NAMPT: variants seen among roughly 807,000 people sequenced by gnomAD.
The protein encoded by NAMPT is nicotinamide phosphoribosyltransferase.
Under a neutral mutation model 58.7 loss-of-function variants are expected in NAMPT, and 7 were observed. The observed-to-expected ratio is 0.12, with a 90% confidence interval of 0.07 to 0.22. NAMPT has a LOEUF of 0.22. NAMPT is among the 10% of genes least tolerant of loss of function. NAMPT has a pLI of 1.00. For synonymous variants in NAMPT, 145 were observed against 198.1 expected (o/e 0.73, Z 2.25); for missense variants, 271 against 567.9 (o/e 0.48, Z 5.31).
Position 106,253,027 on chromosome 7 carries a change from T to G in NAMPT, c.1355A>C (p.Glu452Ala). ...TLEEGKGDLE[E>A]YGQDLLHTVF... ...AGCATAGATACATACCTGACCATAT[T>G]CCTCAAGGTCTCCTTTTCCTTCCTC... Residue 452 changes from glutamate (E) to alanine (A), a missense_variant, in exon 10 of 11, where the codon GAA (glutamate) becomes GCA (alanine). Coordinates refer to ENST00000222553, the MANE Select transcript of NAMPT (RefSeq NM_005746.3). 6.2e-7 allele frequency: 1 copy of G among 1,613,234 alleles called. No individual in the cohort carries two copies. The highest frequency in any genetic ancestry group is 1.3e-5 in the African/African-American group (1 of 74,984).
At chr7:106,259,896 T>C (rs75814127) in intron 8 of NAMPT, among the ~76,000 whole-genome samples, 28 of 150,976 alleles carry the variant, frequency 1.9e-4, no homozygotes, top group African/African-American at 3.2e-4. Flanking sequence ...TTTTTTTTTT[T>C]CCTGAGCAGT....
chr7:106,259,980 G>T (rs936277709), intron 8 of NAMPT, among the ~76,000 whole-genome samples: 1 of 144,672 alleles, frequency 6.9e-6, no homozygotes, highest in Non-Finnish European at 1.5e-5. Flanking sequence ...AGGCTTTGTT[G>T]TTCCATTTAT....
At chr7:106,277,615 G>A (rs1195045207) in intron 1 of NAMPT, among the ~76,000 whole-genome samples, 1 of 152,152 alleles carries the variant, frequency 6.6e-6, no homozygotes, top group African/African-American at 2.4e-5. Flanking sequence ...TACTTTACTT[G>A]TACAATGAGG....
chr7:106,283,961 C>T (rs150853218), intron 1 of NAMPT, among the ~76,000 whole-genome samples: 1 of 152,220 alleles, frequency 6.6e-6, no homozygotes, highest in African/African-American at 2.4e-5. Flanking sequence ...CTACTGCGTG[C>T]TTCATATCAA....
chr7:106,255,588 G>C (rs1371514309), intron 8 of NAMPT, among the ~76,000 whole-genome samples: 1 of 152,134 alleles, frequency 6.6e-6, no homozygotes, highest in Non-Finnish European at 1.5e-5. Flanking sequence ...TCTACATTTA[G>C]AAATGCAACT....
chr7:106,273,103 G>A (rs1792568638), intron 3 of NAMPT, among the ~76,000 whole-genome samples: 1 of 152,146 alleles, frequency 6.6e-6, no homozygotes, highest in South Asian at 2.1e-4. Flanking sequence ...TGCTATTAAA[G>A]AACAAAAGAA....
chr7:106,277,470 A>C (rs1792669317), intron 1 of NAMPT, among the ~76,000 whole-genome samples: 1 of 152,216 alleles, frequency 6.6e-6, no homozygotes, highest in South Asian at 2.1e-4. Flanking sequence ...ACAGTCCTTC[A>C]TCCAGGCGAA....
At chr7:106,275,113 C>A in intron 2 of NAMPT, 64 bp from the exon 3 acceptor site, 1 of 1,005,824 alleles carries the variant, frequency 9.9e-7, no homozygotes, top group South Asian at 1.4e-5. Flanking sequence ...GCTGAACTGT[C>A]ACAGACTTAA....
At chr7:106,272,070 A>G (rs1258454523) in intron 4 of NAMPT, 2 of 375,124 alleles carry the variant, frequency 5.3e-6, no homozygotes, top group African/African-American at 2.3e-5. Context: ...TAGATGAGAA[A>G]CTGAAAAGTA....
chr7:106,263,378 A>G lies in NAMPT; in HGVS notation c.969+14T>C, dbSNP rs1023658823. 9 of 1,551,698 alleles carry G rather than the reference A, an allele frequency of 5.8e-6. No individual in the cohort carries two copies. The highest frequency in any genetic ancestry group is 7.1e-6 in the Non-Finnish European group (8 of 1,124,328). ...AGAGGGATTCTAATAATAAAGTTAC[A>G]TATGAAAATTTACCTTTAACACAGT... On this transcript the variant is annotated intron_variant, in intron 7 of 10. Coordinates refer to ENST00000222553, the MANE Select transcript of NAMPT (RefSeq NM_005746.3).
chr7:106,255,292 C>T (rs192860043), intron 8 of NAMPT, among the ~76,000 whole-genome samples: 1 of 152,178 alleles, frequency 6.6e-6, no homozygotes, highest in East Asian at 1.9e-4. Context: ...TTAATATATT[C>T]AATCACTTTG....
intron 6 of NAMPT, 103 bp from the exon 7 acceptor site, chr7:106,263,720 A>G (rs911554897): frequency 1.2e-6 from 1 of 863,286 alleles, no homozygotes; most frequent in Non-Finnish European, 1.9e-6. Context: ...AACCATCAAC[A>G]TCACAGAGAA....
Position 106,253,018 on chromosome 7 carries a change from T to A in NAMPT, c.1364A>T (p.Gln455Leu). The change falls in exon 10 of 11, where the codon CAG becomes CTG. Residue 455 changes from glutamine (Q) to leucine (L), a missense_variant and splice_region_variant. Physicochemically the swap from Gln to Leu is moderately radical, Grantham distance 113. Transcript: ENST00000222553. ...EGKGDLEEYG[Q>L]DLLHTVFKNG... Reference sequence around the variant, plus strand: ...AAACCAATCAGCATAGATACATACCTGACCATATTCCTCAAGGTCTCCTTT... The same window carrying A: ...AAACCAATCAGCATAGATACATACCAGACCATATTCCTCAAGGTCTCCTTT... 1 of 1,613,152 alleles carries A rather than the reference T, an allele frequency of 6.2e-7. No homozygotes were observed. The highest frequency in any genetic ancestry group is 8.5e-7 in the Non-Finnish European group (1 of 1,179,284).
intron 2 of NAMPT, 82 bp downstream of exon 2, chr7:106,276,941 G>A (rs1173433522): frequency 8.9e-7 from 1 of 1,125,914 alleles, no homozygotes; most frequent in African/African-American, 1.6e-5. Context: ...CAAATTAACA[G>A]ATTTGTTAAA....
At chr7:106,256,583 A>G (rs1792203101) in intron 8 of NAMPT, among the ~76,000 whole-genome samples, 1 of 152,216 alleles carries the variant, frequency 6.6e-6, no homozygotes. Flanking sequence ...CAACTTAACA[A>G]CGGTGCAAAA....
At chr7:106,279,354 C>A (rs1379707676) in intron 1 of NAMPT, among the ~76,000 whole-genome samples, 2 of 152,208 alleles carry the variant, frequency 1.3e-5, no homozygotes, top group Non-Finnish European at 2.9e-5. Context: ...AGCCAAGAAA[C>A]ACCATTTATT....
At chr7:106,280,599 A>C (rs1220173661) in intron 1 of NAMPT, among the ~76,000 whole-genome samples, 2 of 152,226 alleles carry the variant, frequency 1.3e-5, no homozygotes, top group Non-Finnish European at 2.9e-5. Flanking sequence ...CTAAACTGGC[A>C]TGGCCCTCCT....
At chr7:106,274,846 C>A in intron 3 of NAMPT, 100 bp downstream of exon 3, 1 of 762,552 alleles carries the variant, frequency 1.3e-6, no homozygotes, top group South Asian at 1.7e-5. Flanking sequence ...CAGAGTGACA[C>A]TTTCTCTCAA....
rs558605518 is a variant in NAMPT at position 106,262,318 on chromosome 7, T to C, written c.970-611A>G. Among the ~76,000 whole-genome samples the C allele has an allele frequency of 4.7e-4, 72 of 152,232 alleles. No individual in the cohort carries two copies. In the East Asian group the frequency reaches 0.01, roughly 22 times the overall value. ...ACCAAATTAAAATTTCTCAGAAAGC[T>C]TGGTCATATAAACAAAAGAAATACA... On this transcript the variant is annotated intron_variant, in intron 7 of 10. Coordinates refer to ENST00000222553, the MANE Select transcript of NAMPT (RefSeq NM_005746.3).
Sources: allele counts gnomAD v4.1 joint callset (sites outside exome capture counted in the v4.1 genomes callset), GRCh38; gene constraint gnomAD v4.1.1; transcripts MANE v1.5; gene names NCBI Gene and HGNC (gene_info 2026-07-23, HGNC 2026-07-21).